SULF2: variants seen among roughly 807,000 people sequenced by gnomAD.
SULF2 encodes sulfatase 2.
A neutral mutation model predicts 107.7 loss-of-function variants in SULF2; 52 were observed. The observed-to-expected ratio is 0.48, with a 90% confidence interval of 0.39 to 0.61. The LOEUF (loss-of-function observed/expected upper bound fraction) is 0.61, where lower values mean the gene tolerates loss of function less well. Among genes scored for constraint, SULF2 ranks in the 20% least tolerant of loss-of-function variants. The pLI is 0.00. For missense variants in SULF2, 993 were observed against 1,177.3 expected, an observed-to-expected ratio of 0.84 and a Z score of 2.29; for synonymous variants, 460 against 464.3, an observed-to-expected ratio of 0.99 and a Z score of 0.12.
intron 17 of SULF2, 106 bp downstream of exon 17, chr20:47,662,964 G>C (rs2087132496): frequency 7.6e-7 from 1 of 1,321,872 alleles, no homozygotes; most frequent in Non-Finnish European, 1.1e-6. Flanking sequence ...CAGGGACTCA[G>C]TGGGACTTGG....
chr20:47,783,882 T>C (rs752535054), intron 1 of SULF2, among the ~76,000 whole-genome samples: 3 of 152,218 alleles, frequency 2.0e-5, no homozygotes, highest in Non-Finnish European at 4.4e-5. Flanking sequence ...TTCTCTATGA[T>C]GTGGGAGAGA....
At position 47,683,189 on chromosome 20, in the gene SULF2, G is replaced by A. The variant is rs374403549; in HGVS notation, c.889-20C>T. 7.0e-6 allele frequency: 11 copies of A among 1,574,710 alleles called. No individual in the cohort carries two copies. Among genetic ancestry groups the A allele is most frequent in the Non-Finnish European group, 9.5e-6 (11 of 1,152,972 alleles). ...GTAAATCTGCAACACGGGCGAGGAG[G>A]CAAGGGACAGTGGGGACTGGGTGCC... On this transcript the variant is annotated intron_variant, in intron 6 of 20. Transcript: ENST00000688720.
intron 1 of SULF2, among the ~76,000 whole-genome samples, chr20:47,776,257 G>C (rs2090722852): frequency 6.6e-6 from 1 of 152,206 alleles, no homozygotes; most frequent in South Asian, 2.1e-4. Context: ...TTACAAATCT[G>C]ACAGCTTTTT....
At chr20:47,735,096 A>T (rs1424283476) in intron 3 of SULF2, among the ~76,000 whole-genome samples, 3 of 152,042 alleles carry the variant, frequency 2.0e-5, no homozygotes, top group African/African-American at 7.2e-5. Context: ...CTTGCATTCC[A>T]TTTTGATTAT....
chr20:47,784,612 A>G (rs937988769), intron 1 of SULF2, among the ~76,000 whole-genome samples: 2 of 152,098 alleles, frequency 1.3e-5, no homozygotes, highest in Non-Finnish European at 2.9e-5. Flanking sequence ...CAGGAGCCAG[A>G]TCCTGTTCAG....
chr20:47,749,678 A>C (rs1317511183), intron 2 of SULF2, among the ~76,000 whole-genome samples: 1 of 152,232 alleles, frequency 6.6e-6, no homozygotes, highest in African/African-American at 2.4e-5. Context: ...TCACAGATGG[A>C]AAGTGGAAAA....
chr20:47,769,186 G>T (rs180822055), intron 1 of SULF2, among the ~76,000 whole-genome samples: 27 of 152,076 alleles, frequency 1.8e-4, no homozygotes, highest in African/African-American at 6.3e-4. Context: ...AACTACAGGT[G>T]CCCACCACCA....
Position 47,745,403 on chromosome 20 carries a change from A to T in SULF2, c.176-8461T>A, listed in dbSNP as rs1453507093. On this transcript the variant is annotated intron_variant, in intron 2 of 20. Transcript: ENST00000688720. ...GAGGGAAAAAAAAAAAAAAAAAAAAAAAAAAAAATATATATATATATATAT... is the reference window on the plus strand; with the variant it reads ...GAGGGAAAAAAAAAAAAAAAAAAAATAAAAAAAATATATATATATATATAT... Among the ~76,000 whole-genome samples the T allele has an allele frequency of 3.7e-3, 92 of 25,004 alleles. 3 individuals carry two copies. The highest frequency in any genetic ancestry group is 0.027 in the African/African-American group (90 of 3,364). 16.4% of individuals were successfully genotyped at this position (25,004 alleles called of 152,430 possible).
chr20:47,763,974 A>G (rs1246191140), intron 1 of SULF2, among the ~76,000 whole-genome samples: 4 of 152,070 alleles, frequency 2.6e-5, no homozygotes, highest in African/African-American at 9.7e-5. Context: ...CACCTCTCCG[A>G]CCTTATTGCC....
intron 1 of SULF2, among the ~76,000 whole-genome samples, chr20:47,765,134 G>A (rs2090500924): frequency 6.6e-6 from 1 of 152,076 alleles, no homozygotes; most frequent in East Asian, 1.9e-4. Flanking sequence ...GGCGGATCAC[G>A]AGGTCAGGAG....
chr20:47,672,283 G>A lies in SULF2; in HGVS notation c.1491C>T (p.Tyr497=), dbSNP rs115894437. 1,017 of 1,613,532 alleles carry A rather than the reference G, an allele frequency of 6.3e-4. 4 individuals carry two copies. In the African/African-American group the frequency reaches 0.011, roughly 17 times the overall value. ...AGGTGCAGGCCTCGCTGCCCTGCCC[G>A]TAGTACTTGGGCACGAGGTTGGAGA... is the stretch of plus-strand genomic sequence containing the variant. ...RALSNLVPKY[Y]GQGSEACTCD... The change falls in exon 11 of 21, where the codon TAC becomes TAT. Residue 497 remains tyrosine (Y), a synonymous_variant. Coordinates refer to ENST00000688720, the MANE Select transcript of SULF2 (RefSeq NM_001387048.1).
chr20:47,659,674 G>A (rs779784375), intron 19 of SULF2, 23 bp downstream of exon 19: 2 of 1,601,586 alleles, frequency 1.2e-6, no homozygotes, highest in African/African-American at 2.7e-5. Context: ...CTTTGTTTAG[G>A]CTTTAATAAT....
At chr20:47,785,766 T>TGGGGCCC (rs2090921783), upstream of SULF2, 2 of 147,916 alleles carry the variant, frequency 1.4e-5, no homozygotes, top group African/African-American at 4.9e-5. Flanking sequence ...CGCGGACGGC[T>TGGGGCCC]GGGGCCCGGG....
chr20:47,737,751 C>CTTTT (rs1568881263), intron 2 of SULF2, among the ~76,000 whole-genome samples: 9 of 95,020 alleles, frequency 9.5e-5, no homozygotes, highest in African/African-American at 3.6e-4. Context: ...TCTTTCTTTT[C>CTTTT]TTTGTTTTTT....
At chr20:47,773,131 T>C (rs113868013) in intron 1 of SULF2, among the ~76,000 whole-genome samples, 3 of 152,324 alleles carry the variant, frequency 2.0e-5, no homozygotes, top group African/African-American at 7.2e-5. Flanking sequence ...GTGCGACTCT[T>C]CCAAGCTATC....
At chr20:47,697,316 T>C (rs1658860466) in intron 4 of SULF2, among the ~76,000 whole-genome samples, 2 of 152,184 alleles carry the variant, frequency 1.3e-5, no homozygotes, top group Non-Finnish European at 2.9e-5. Flanking sequence ...TGCCCATCTG[T>C]GGATTAGTGA....
intron 11 of SULF2, among the ~76,000 whole-genome samples, chr20:47,671,461 A>G: frequency 6.6e-6 from 1 of 152,108 alleles, no homozygotes; most frequent in East Asian, 1.9e-4. Context: ...TTTAGTAGAG[A>G]TGGGGTTTCA....
intron 4 of SULF2, 26 bp downstream of exon 4, chr20:47,702,493 C>T (rs761756266): frequency 2.5e-6 from 4 of 1,606,416 alleles, no homozygotes; most frequent in Non-Finnish European, 3.4e-6. Context: ...CACAGCCACT[C>T]CCAGGCTGGA....
chr20:47,684,680 G>C (rs1461588488), intron 5 of SULF2, 99 bp from the exon 6 acceptor site: 11 of 1,293,878 alleles, frequency 8.5e-6, no homozygotes, highest in Middle Eastern at 1.9e-4. Context: ...ACCCTGTGCT[G>C]TGTCTGCAGC....
Sources: allele counts gnomAD v4.1 joint callset (sites outside exome capture counted in the v4.1 genomes callset), GRCh38; gene constraint gnomAD v4.1.1; transcripts MANE v1.5; gene names NCBI Gene and HGNC (gene_info 2026-07-23, HGNC 2026-07-21).